Variants in GABRG3 observed in about 807,000 individuals in gnomAD.
GABRG3 encodes gamma-aminobutyric acid receptor subunit gamma-3.
GABRG3 carries 25 observed loss-of-function variants against 48.8 expected under a neutral mutation model. That is an observed-to-expected ratio of 0.51 (90% CI 0.37 to 0.72). The LOEUF (loss-of-function observed/expected upper bound fraction) is 0.72. Among genes scored for constraint, GABRG3 ranks in the 30% least tolerant of loss-of-function variants. The pLI is 0.00. For synonymous variants in GABRG3, 227 were observed against 217.6 expected (o/e 1.04, Z -0.38); for missense variants, 394 against 577.9 (o/e 0.68, Z 3.26).
chr15:27,533,488 G>C lies in GABRG3; in HGVS notation c.*607G>C, dbSNP rs900922076. 6.6e-6 allele frequency: 1 copy of C among 152,502 alleles called. No homozygotes were observed. The highest frequency in any genetic ancestry group is 1.5e-5 in the Non-Finnish European group (1 of 68,322). The allele number at this position is 152,502 out of a possible 1,614,324, so 9.4% of individuals were successfully genotyped here. A position where few individuals can be genotyped will look rare whatever the true frequency, so the allele number is the denominator to read the frequency against. On this transcript the variant is annotated 3_prime_UTR_variant, in exon 10 of 10. Coordinates refer to ENST00000615808, the MANE Select transcript of GABRG3 (RefSeq NM_033223.5). ...TTCTAGGCCTGGGGAGAGTACACTC[G>C]CATTGTCTACGGTTTCCATTGGAGG...
chr15:27,302,589 G>GA (rs1488763578), intron 3 of GABRG3, among the ~76,000 whole-genome samples: 1 of 151,998 alleles, frequency 6.6e-6, no homozygotes, highest in African/African-American at 2.4e-5. Flanking sequence ...CTACTAGGTA[G>GA]AAAATCAACA....
At chr15:27,027,435 G>A (rs926860670) in intron 3 of GABRG3, among the ~76,000 whole-genome samples, 3 of 152,174 alleles carry the variant, frequency 2.0e-5, no homozygotes, top group South Asian at 4.1e-4. Context: ...AGCTCCCCCC[G>A]CCTGCGGAGG....
intron 9 of GABRG3, among the ~76,000 whole-genome samples, chr15:27,530,425 A>T (rs1891395168): frequency 1.3e-5 from 2 of 152,178 alleles, no homozygotes; most frequent in Admixed American, 1.3e-4. Context: ...GCAAGTAAAG[A>T]AGTTCTTAAG....
chr15:27,401,156 G>A (rs557685244), intron 5 of GABRG3, among the ~76,000 whole-genome samples: 5 of 152,168 alleles, frequency 3.3e-5, no homozygotes, highest in East Asian at 1.9e-4. Flanking sequence ...TGCCATTTTC[G>A]TTCCTTACTA....
chr15:27,480,660 C>T lies in GABRG3; in HGVS notation c.585C>T (p.Pro195=). ...GCTCTGTGTTTTTAGATGGCTATCC[C>T]AAAGAAGAAATGATTTATAGATGGA... is the stretch of plus-strand genomic sequence containing the variant. ...CPLIFSSYGY[P]KEEMIYRWRK... is the part of the protein sequence containing the mutation. Residue 195 remains proline (P), a synonymous_variant, in exon 6 of 10, where the codon CCC becomes CCT. Coordinates refer to ENST00000615808, the MANE Select transcript of GABRG3 (RefSeq NM_033223.5). 6.2e-7 allele frequency: 1 copy of T among 1,609,930 alleles called. No homozygotes were observed.
intron 5 of GABRG3, among the ~76,000 whole-genome samples, chr15:27,334,101 T>C (rs1893887002): frequency 6.6e-6 from 1 of 152,236 alleles, no homozygotes; most frequent in Non-Finnish European, 1.5e-5. Context: ...TTGTATTGCC[T>C]TTGAAAAATT....
intron 3 of GABRG3, among the ~76,000 whole-genome samples, chr15:27,256,256 C>T (rs533101473): frequency 2.0e-5 from 3 of 151,558 alleles, no homozygotes; most frequent in Non-Finnish European, 2.9e-5. Flanking sequence ...TCCTGGCTAA[C>T]ATGGTGAAAC....
At chr15:27,502,634 C>T (rs549929719) in intron 6 of GABRG3, among the ~76,000 whole-genome samples, 1 of 152,320 alleles carries the variant, frequency 6.6e-6, no homozygotes, top group African/African-American at 2.4e-5. Context: ...AGACACCAGT[C>T]CCAAGTCTAG....
intron 5 of GABRG3, among the ~76,000 whole-genome samples, chr15:27,439,703 G>T (rs1888725434): frequency 6.6e-6 from 1 of 152,172 alleles, no homozygotes. Context: ...AGTGTACACA[G>T]CACACAACAC....
chr15:27,177,754 A>T (rs948474144), intron 3 of GABRG3, among the ~76,000 whole-genome samples: 1 of 152,208 alleles, frequency 6.6e-6, no homozygotes, highest in Admixed American at 6.5e-5. Context: ...AGTCAAAGAA[A>T]ACCAGAGCTG....
intron 3 of GABRG3, among the ~76,000 whole-genome samples, chr15:27,136,143 T>C (rs1170247917): frequency 6.6e-6 from 1 of 152,102 alleles, no homozygotes; most frequent in Non-Finnish European, 1.5e-5. Context: ...CAGCATGCCT[T>C]GTGAAAGGGG....
intron 6 of GABRG3, among the ~76,000 whole-genome samples, chr15:27,504,432 C>T (rs1023137414): frequency 1.3e-5 from 2 of 152,072 alleles, no homozygotes; most frequent in Non-Finnish European, 2.9e-5. Context: ...CTTGAACTTA[C>T]CACAGGGTAC....
intron 2 of GABRG3, among the ~76,000 whole-genome samples, chr15:26,978,695 A>T (rs1483762967): frequency 6.6e-6 from 1 of 151,036 alleles, no homozygotes; most frequent in African/African-American, 2.4e-5. Context: ...TGTGTCTGTC[A>T]CTCTGTCAAT....
At chr15:27,098,800 A>G (rs564645695) in intron 3 of GABRG3, among the ~76,000 whole-genome samples, 2 of 152,164 alleles carry the variant, frequency 1.3e-5, no homozygotes, top group African/African-American at 4.8e-5. Context: ...AATATACTAG[A>G]TAAAATGTGT....
intron 3 of GABRG3, among the ~76,000 whole-genome samples, chr15:27,270,806 A>C (rs932410772): frequency 3.3e-5 from 5 of 152,212 alleles, no homozygotes; most frequent in Non-Finnish European, 5.9e-5. Context: ...TATACAGCTT[A>C]TACGTGCACT....
At chr15:27,101,096 G>C (rs968079699) in intron 3 of GABRG3, among the ~76,000 whole-genome samples, 5 of 152,230 alleles carry the variant, frequency 3.3e-5, no homozygotes, top group Admixed American at 3.3e-4. Flanking sequence ...CCTAGGACTT[G>C]TGAGTTCAGC....
chr15:27,058,417 T>C (rs774666217), intron 3 of GABRG3, among the ~76,000 whole-genome samples: 26 of 152,162 alleles, frequency 1.7e-4, no homozygotes, highest in Admixed American at 3.9e-4. Context: ...GAGGCGTCCA[T>C]TAGGGCCACT....
At chr15:27,122,655 A>G (rs1897751531) in intron 3 of GABRG3, among the ~76,000 whole-genome samples, 1 of 152,220 alleles carries the variant, frequency 6.6e-6, no homozygotes, top group Non-Finnish European at 1.5e-5. Flanking sequence ...TGTGCCCTGG[A>G]GAAGGTCACT....
chr15:27,381,876 A>G (rs1895787958), intron 5 of GABRG3, among the ~76,000 whole-genome samples: 1 of 152,164 alleles, frequency 6.6e-6, no homozygotes, highest in Non-Finnish European at 1.5e-5. Flanking sequence ...TTCAGGGTTC[A>G]TAATTTGTGT....
Sources: gnomAD v4.1 joint callset for allele counts (sites outside exome capture counted in the v4.1 genomes callset) on GRCh38, gnomAD v4.1.1 for gene constraint, MANE v1.5 for transcripts, NCBI Gene and HGNC (gene_info 2026-07-23, HGNC 2026-07-21) for gene names.